Variants in LRP6 observed in about 807,000 individuals in gnomAD.
LRP6 encodes the protein low-density lipoprotein receptor-related protein 6.
Under a neutral mutation model 184.1 loss-of-function variants are expected in LRP6, and 43 were observed. That is an observed-to-expected ratio of 0.23 (90% CI 0.18 to 0.30). The LOEUF (loss-of-function observed/expected upper bound fraction) is 0.30. Ranked by LOEUF, LRP6 falls within the 10% of genes least tolerant of loss-of-function variation. The pLI is 1.00. For synonymous variants in LRP6, 719 were observed against 684.9 expected (o/e 1.05, Z -0.78); for missense variants, 1,571 against 2,005.3 (o/e 0.78, Z 4.14).
intron 2 of LRP6, among the ~76,000 whole-genome samples, chr12:12,207,512 C>T (rs192523984): frequency 1.9e-4 from 29 of 151,758 alleles, no homozygotes; most frequent in Admixed American, 7.2e-4. Context: ...TTTGAGATTC[C>T]GTCAAAAAAA....
chr12:12,238,926 TA>T (rs961659316), intron 2 of LRP6, among the ~76,000 whole-genome samples: 3 of 151,680 alleles, frequency 2.0e-5, no homozygotes, highest in South Asian at 2.1e-4. Context: ...ATTCAACTCG[TA>T]AAAAAAACAC....
intron 2 of LRP6, among the ~76,000 whole-genome samples, chr12:12,236,806 A>T (rs1864941799): frequency 6.6e-6 from 1 of 152,220 alleles, no homozygotes; most frequent in Non-Finnish European, 1.5e-5. Context: ...AAAGATACAT[A>T]GGGAGAGATC....
chr12:12,226,169 C>T (rs575431226), intron 2 of LRP6, among the ~76,000 whole-genome samples: 1 of 152,218 alleles, frequency 6.6e-6, no homozygotes, highest in Non-Finnish European at 1.5e-5. Flanking sequence ...GACTAAACAA[C>T]TGAAATATAG....
At chr12:12,255,614 A>T (rs934761241) in intron 1 of LRP6, among the ~76,000 whole-genome samples, 3 of 132,760 alleles carry the variant, frequency 2.3e-5, no homozygotes, top group Non-Finnish European at 4.6e-5. Flanking sequence ...TCTGCCATCC[A>T]GGCTGGAGTG....
Position 12,124,593 on chromosome 12 carries a change from T to G in LRP6, c.4519A>C (p.Asn1507His). Reference sequence around the variant, plus strand: ...TATGACCTATGAGTGGAAGGACTGTTTGAAGAATATCCAAATTCCATAGTG... The same window carrying G: ...TATGACCTATGAGTGGAAGGACTGTGTGAAGAATATCCAAATTCCATAGTG... ...HYTMEFGYSS[N>H]SPSTHRSYSY... Residue 1507 changes from asparagine (N) to histidine (H), a missense_variant, in exon 22 of 23, where the codon AAC (asparagine) becomes CAC (histidine). Asn to His is a moderately conservative substitution (Grantham distance 68). Coordinates refer to ENST00000261349, the MANE Select transcript of LRP6 (RefSeq NM_002336.3). 1.9e-6 allele frequency: 3 copies of G among 1,613,502 alleles called. No individual in the cohort carries two copies. Among genetic ancestry groups the G allele is most frequent in the East Asian group, 2.2e-5 (1 of 44,884 alleles).
At chr12:12,152,778 T>C (rs1230353719) in intron 12 of LRP6, among the ~76,000 whole-genome samples, 7 of 152,240 alleles carry the variant, frequency 4.6e-5, no homozygotes, top group Non-Finnish European at 8.8e-5. Context: ...CCTTGCTTTA[T>C]TTCCTCCTAT....
chr12:12,201,156 C>T (rs1863905420), intron 3 of LRP6, among the ~76,000 whole-genome samples: 1 of 152,144 alleles, frequency 6.6e-6, no homozygotes, highest in Non-Finnish European at 1.5e-5. Flanking sequence ...CGTTGATCTT[C>T]CCATCTTTAT....
intron 2 of LRP6, among the ~76,000 whole-genome samples, chr12:12,234,386 G>A (rs1464159319): frequency 2.0e-5 from 3 of 152,000 alleles, no homozygotes; most frequent in Non-Finnish European, 4.4e-5. Context: ...GAAGGCGGAG[G>A]TTGCAGTGAG....
chr12:12,260,373 G>A (rs1354966977), intron 1 of LRP6, among the ~76,000 whole-genome samples: 1 of 116,890 alleles, frequency 8.6e-6, no homozygotes, highest in Non-Finnish European at 1.8e-5. Context: ...GCAAGACTCC[G>A]TCTCAAAAAA....
At chr12:12,222,459 C>T (rs1240109198) in intron 2 of LRP6, among the ~76,000 whole-genome samples, 15 of 151,422 alleles carry the variant, frequency 9.9e-5, no homozygotes, top group Admixed American at 3.3e-4. Context: ...CCCACCTACT[C>T]GGTAGGCTGA....
In LRP6 at chr12:12,158,985, T is replaced by A; in HGVS notation, c.2635A>T (p.Ile879Phe). Residue 879 changes from isoleucine to phenylalanine, a missense_variant, in exon 12 of 23, where the codon ATC (isoleucine) becomes TTC (phenylalanine). Ile to Phe is a conservative substitution (Grantham distance 21). Around this residue, in one of 4 missense-constraint regions of LRP6, gnomAD observed 158 missense variants for 258.4 expected, o/e 0.61. Coordinates refer to ENST00000261349, the MANE Select transcript of LRP6 (RefSeq NM_002336.3). The stretch of plus-strand genomic sequence containing the variant: ...TGTCGAGATGAGTGAAAGACGAGGA[T>A]GTCCATCACATAATCCAAATGGCCC... ...IQGHLDYVMDILVFHSSRQSG... is the reference protein window; with the variant it reads ...IQGHLDYVMDFLVFHSSRQSG... The A allele has an allele frequency of 6.2e-7, 1 of 1,614,218 alleles. No individual in the cohort carries two copies. The highest frequency in any genetic ancestry group is 8.5e-7 in the Non-Finnish European group (1 of 1,180,024).
chr12:12,247,392 A>G (rs1026343568), intron 1 of LRP6, among the ~76,000 whole-genome samples: 6 of 152,200 alleles, frequency 3.9e-5, no homozygotes, highest in Non-Finnish European at 7.4e-5. Context: ...TAACACTTCT[A>G]CGTGTACTGA....
intron 3 of LRP6, among the ~76,000 whole-genome samples, chr12:12,190,649 T>C (rs1343887798): frequency 6.6e-6 from 1 of 152,200 alleles, no homozygotes; most frequent in African/African-American, 2.4e-5. Flanking sequence ...CATTTAGTTT[T>C]TGTTTCTGGA....
At chr12:12,176,606 T>TA (rs1235364314) in intron 7 of LRP6, among the ~76,000 whole-genome samples, 3 of 152,136 alleles carry the variant, frequency 2.0e-5, no homozygotes, top group African/African-American at 7.2e-5. Context: ...TTCCCTAATG[T>TA]AGCCAGCATC....
intron 7 of LRP6, among the ~76,000 whole-genome samples, chr12:12,168,832 T>G (rs75161560): frequency 2.0e-5 from 3 of 152,250 alleles, no homozygotes; most frequent in East Asian, 1.9e-4. Context: ...TGTTTTTGTC[T>G]TTTTGTTTTT....
At chr12:12,237,904 A>C (rs1302480175) in intron 2 of LRP6, among the ~76,000 whole-genome samples, 1 of 152,254 alleles carries the variant, frequency 6.6e-6, no homozygotes, top group Non-Finnish European at 1.5e-5. Context: ...TCTACAGATT[A>C]GTTAACAGTA....
intron 7 of LRP6, among the ~76,000 whole-genome samples, chr12:12,175,483 C>A (rs942183923): frequency 6.6e-6 from 1 of 151,966 alleles, no homozygotes; most frequent in East Asian, 1.9e-4. Flanking sequence ...GTCAGGAGAT[C>A]GAGACCAGCC....
chr12:12,245,327 G>A (rs552070178), intron 1 of LRP6, among the ~76,000 whole-genome samples: 4 of 152,118 alleles, frequency 2.6e-5, no homozygotes, highest in African/African-American at 9.6e-5. Flanking sequence ...CCAAAACAAA[G>A]GTATATATTG....
intron 2 of LRP6, among the ~76,000 whole-genome samples, chr12:12,228,377 A>G (rs913876549): frequency 1.3e-5 from 2 of 152,184 alleles, no homozygotes; most frequent in African/African-American, 4.8e-5. Flanking sequence ...AAAAAAAGAA[A>G]GAGAACCTAA....
Sources: gnomAD v4.1 joint callset for allele counts (sites outside exome capture counted in the v4.1 genomes callset) on GRCh38, gnomAD v4.1.1 for gene constraint, gnomAD v4.1.1 regional missense constraint, MANE v1.5 for transcripts, NCBI Gene and HGNC (gene_info 2026-07-23, HGNC 2026-07-21) for gene names.